Variants in GATB observed in about 807,000 individuals in gnomAD.
GATB encodes the protein glutamyl-tRNA(Gln) amidotransferase subunit B, mitochondrial.
GATB carries 39 observed loss-of-function variants against 62.3 expected under a neutral mutation model. The ratio of observed to expected loss-of-function variants is 0.63; its 90% confidence interval spans 0.48 to 0.82. The LOEUF (loss-of-function observed/expected upper bound fraction) is 0.82, where lower values mean the gene tolerates loss of function less well. Ranked by LOEUF, GATB falls within the 40% of genes least tolerant of loss-of-function variation. The pLI is 0.00. For synonymous variants in GATB, 276 were observed against 258.9 expected (o/e 1.07, Z -0.63); for missense variants, 670 against 684.0 (o/e 0.98, Z 0.23).
At chr4:151,701,249 G>T (rs1738595092) in intron 9 of GATB, 80 bp downstream of exon 9, 1 of 1,171,692 alleles carries the variant, frequency 8.5e-7, no homozygotes, top group Non-Finnish European at 1.2e-6. Context: ...GCCCATGGCA[G>T]CCTGTGTGTG....
chr4:151,725,560 C>G (rs1019903923), intron 2 of GATB, among the ~76,000 whole-genome samples: 6 of 152,188 alleles, frequency 3.9e-5, no homozygotes, highest in Non-Finnish European at 8.8e-5. Context: ...ATTATGAAAT[C>G]CAACTAATTT....
chr4:151,750,107 TC>T (rs1739687983), intron 2 of GATB, among the ~76,000 whole-genome samples: 1 of 152,200 alleles, frequency 6.6e-6, no homozygotes, highest in African/African-American at 2.4e-5. Flanking sequence ...GGTCTCAATC[TC>T]CTGACCTCGT....
At chr4:151,692,227 A>T (rs1295647363) in intron 9 of GATB, among the ~76,000 whole-genome samples, 1 of 152,182 alleles carries the variant, frequency 6.6e-6, no homozygotes, top group African/African-American at 2.4e-5. Flanking sequence ...ACAGCAAGAG[A>T]GCACTAGAAC....
At chr4:151,715,182 A>G (rs1738890075) in intron 5 of GATB, among the ~76,000 whole-genome samples, 1 of 152,236 alleles carries the variant, frequency 6.6e-6, no homozygotes, top group Non-Finnish European at 1.5e-5. Context: ...TGACCATTGT[A>G]CAGTGCTATG....
intron 3 of GATB, 66 bp from the exon 4 acceptor site, chr4:151,717,140 A>G (rs1438129536): frequency 2.7e-6 from 4 of 1,462,700 alleles, no homozygotes; most frequent in Non-Finnish European, 3.8e-6. Flanking sequence ...CCAGTTTACT[A>G]TCCCTTTTAC....
chr4:151,684,578 C>T (rs1738206673), intron 10 of GATB, among the ~76,000 whole-genome samples: 1 of 152,224 alleles, frequency 6.6e-6, no homozygotes. Flanking sequence ...GAAACATTAG[C>T]ACTCATAGCT....
At chr4:151,695,100 A>G (rs149651916) in intron 9 of GATB, among the ~76,000 whole-genome samples, 86 of 152,306 alleles carry the variant, frequency 5.6e-4, no homozygotes, top group Non-Finnish European at 1.1e-3. Flanking sequence ...TCGCAAGTAC[A>G]TCTTCCTACA....
In GATB at chr4:151,754,369, C is replaced by T. The variant is rs140651396; in HGVS notation, c.327+4403G>A. On this transcript the variant is annotated intron_variant, in intron 2 of 12. Transcript: ENST00000263985. ...CAATTCCTTATATCTGTGTTGAATA[C>T]TCTTCCTATGTGCTCCTCAAGCACC... Among the ~76,000 whole-genome samples, 439 of 152,320 alleles carry T rather than the reference C, an allele frequency of 2.9e-3. 2 individuals carry two copies. The highest frequency in any genetic ancestry group is 9.7e-3 in the African/African-American group (403 of 41,572).
Position 151,760,999 on chromosome 4 carries a change from T to G in GATB, c.-17A>C. The G allele has an allele frequency of 1.3e-6, 2 of 1,597,348 alleles. No homozygotes were observed. Among genetic ancestry groups the G allele is most frequent in the Non-Finnish European group, 8.5e-7 (1 of 1,173,086 alleles). On this transcript the variant is annotated 5_prime_UTR_variant, in exon 1 of 13. Coordinates refer to ENST00000263985, the MANE Select transcript of GATB (RefSeq NM_004564.3). ...CGCCGCCATTGTAACTCCAGGGTCT[T>G]GGTCAGGTGACTCAGCCTCACTATG...
chr4:151,742,125 T>G (rs1413008714), intron 2 of GATB, among the ~76,000 whole-genome samples: 1 of 151,384 alleles, frequency 6.6e-6, no homozygotes, highest in Admixed American at 6.6e-5. Flanking sequence ...GTCTTGCTCT[T>G]TCGCCCAGGC....
intron 9 of GATB, among the ~76,000 whole-genome samples, chr4:151,691,133 G>T (rs375704429): frequency 1.1e-4 from 17 of 152,162 alleles, no homozygotes; most frequent in African/African-American, 4.1e-4. Flanking sequence ...ACAGTGAGCT[G>T]GTAATTCCCT....
rs1738561845 is a variant in GATB at position 151,699,777 on chromosome 4, T to C, written c.1197+1552A>G. ...TTCACTCTCTTATGGAGACAGCTAA[T>C]ACACACACACACACACACAAATTAA... On this transcript the variant is annotated intron_variant, in intron 9 of 12. Transcript: ENST00000263985. 2.0e-5 allele frequency among the ~76,000 whole-genome samples: 3 copies of C among 150,984 alleles called. No homozygotes were observed. The South Asian group carries it at 6.3e-4, about 32-fold the overall frequency.
chr4:151,701,638 T>C (rs1738609895), intron 8 of GATB, 120 bp from the exon 9 acceptor site: 1 of 710,724 alleles, frequency 1.4e-6, no homozygotes, highest in South Asian at 4.0e-5. Context: ...GCAAATATTT[T>C]CAAATGTCCT....
chr4:151,760,886 C>G lies in GATB; in HGVS notation c.97G>C (p.Gly33Arg). The part of the protein sequence containing the change: ...GSCHRRGAPT[G>R]STSNQIRGES... ...CCCCTAATCTGGTTGGATGTGGACC[C>G]AGTCGGAGCCCCTCTTCGGTGGCAA... Residue 33 changes from glycine to arginine, a missense_variant, in exon 1 of 13, where the codon GGG (glycine) becomes CGG (arginine). Physicochemically the swap from Gly to Arg is moderately radical, Grantham distance 125. Transcript: ENST00000263985. 6.2e-7 allele frequency: 1 copy of G among 1,614,100 alleles called. No individual in the cohort carries two copies. The highest frequency in any genetic ancestry group is 8.5e-7 in the Non-Finnish European group (1 of 1,179,998).
chr4:151,679,633 G>A (rs1412765615), intron 11 of GATB, among the ~76,000 whole-genome samples, 180 bp downstream of exon 11: 3 of 152,208 alleles, frequency 2.0e-5, no homozygotes, highest in African/African-American at 2.4e-5. Context: ...TGCCTGCATT[G>A]CACATATTGG....
chr4:151,672,730 C>A, intron 12 of GATB, 32 bp downstream of exon 12: 1 of 1,608,854 alleles, frequency 6.2e-7, no homozygotes. Context: ...CTGGGGCTGG[C>A]TCTGGCCCTC....
chr4:151,718,632 CG>C (rs1738962397), intron 3 of GATB, among the ~76,000 whole-genome samples: 1 of 152,182 alleles, frequency 6.6e-6, no homozygotes, highest in African/African-American at 2.4e-5. Flanking sequence ...TAATTCTACT[CG>C]TGCCCTCACC....
At chr4:151,673,642 G>A (rs981570781) in intron 11 of GATB, 2 of 152,060 alleles carry the variant, frequency 1.3e-5, no homozygotes, top group Non-Finnish European at 2.9e-5. Context: ...CTTAAAAAAT[G>A]ACAACAACAA....
At chr4:151,745,998 A>G (rs1320377441) in intron 2 of GATB, among the ~76,000 whole-genome samples, 2 of 152,238 alleles carry the variant, frequency 1.3e-5, no homozygotes, top group East Asian at 1.9e-4. Flanking sequence ...GCTTTCAGAC[A>G]AGCAAAACAA....
Sources: gnomAD v4.1 joint callset for allele counts (sites outside exome capture counted in the v4.1 genomes callset) on GRCh38, gnomAD v4.1.1 for gene constraint, MANE v1.5 for transcripts, NCBI Gene and HGNC (gene_info 2026-07-23, HGNC 2026-07-21) for gene names.